Variants in SP100 observed in about 807,000 individuals in gnomAD.
SP100 encodes SP100 nuclear body protein, also known as nuclear autoantigen Sp-100.
Under a neutral mutation model 130.0 loss-of-function variants are expected in SP100, and 84 were observed. The observed-to-expected ratio is 0.65, with a 90% CI of 0.54 to 0.77. The LOEUF (loss-of-function observed/expected upper bound fraction) is 0.77. SP100 is among the 30% of genes least tolerant of loss of function. SP100 has a pLI of 0.00. For missense variants in SP100, 978 were observed against 1,052.2 expected, an observed-to-expected ratio of 0.93 and a Z score of 0.97; for synonymous variants, 331 against 351.7, an observed-to-expected ratio of 0.94 and a Z score of 0.66.
chr2:230,522,407 C>T (rs539239430), intron 24 of SP100, among the ~76,000 whole-genome samples: 3 of 150,310 alleles, frequency 2.0e-5, no homozygotes, highest in South Asian at 4.2e-4. Context: ...TTTTAAGCTG[C>T]TGTTCTAAAC....
chr2:230,480,315 AT>A (rs2150015159), intron 17 of SP100, among the ~76,000 whole-genome samples: 1 of 152,376 alleles, frequency 6.6e-6, no homozygotes, highest in African/African-American at 2.4e-5. Context: ...TCTAATCCAA[AT>A]ATATGATTGT....
chr2:230,440,289 T>A (rs1461844010), intron 2 of SP100, among the ~76,000 whole-genome samples: 3 of 152,052 alleles, frequency 2.0e-5, no homozygotes, highest in Non-Finnish European at 2.9e-5. Context: ...TTACTAGAAA[T>A]ACTACATGAA....
chr2:230,473,376 T>TC lies in SP100; in HGVS notation c.1484dup (p.Gly497ArgfsTer11), dbSNP rs1161611467. On this transcript the variant is annotated frameshift_variant, in exon 16 of 29. Transcript: ENST00000340126. LOFTEE classifies it high-confidence loss of function. ...AGAAGTGCTCCTGTGTCATGTGTTT[T>TC]CCAAAAGGTGTGCCAAGAAGCCAAG... The TC allele has an allele frequency of 6.2e-7, 1 of 1,614,034 alleles. No homozygotes were observed. The highest frequency in any genetic ancestry group is 1.1e-5 in the South Asian group (1 of 91,078).
In SP100 at chr2:230,488,499, C is replaced by T. The variant is rs964073180; in HGVS notation, c.1601-5917C>T. On this transcript the variant is annotated intron_variant, in intron 17 of 28. Coordinates refer to ENST00000340126, the MANE Select transcript of SP100 (RefSeq NM_001080391.2). ...CATGATCTCGGCTCACTGCAAGCTC[C>T]GCCTCCCAGGTTCACGGCATTCTCC... Among the ~76,000 whole-genome samples the T allele has an allele frequency of 8.5e-5, 13 of 152,182 alleles. No individual in the cohort carries two copies. The South Asian group carries it at 1.0e-3, about 12-fold the overall frequency.
Position 230,442,994 on chromosome 2 carries a change from G to T in SP100, c.165G>T (p.Lys55Asn). The T allele has an allele frequency of 6.2e-7, 1 of 1,613,944 alleles. No homozygotes were observed. Among genetic ancestry groups the T allele is most frequent in the South Asian group, 1.1e-5 (1 of 91,072 alleles). ...GGCTGCTCTATGACATTGTATTCAA[G>T]CACTTCAAAAGAAATAAGGTGGAGA... is the stretch of plus-strand genomic sequence containing the variant. ...DDRLLYDIVF[K>N]HFKRNKVEIS... Residue 55 changes from lysine to asparagine, a missense_variant, in exon 3 of 29, where the codon AAG becomes AAT. Physicochemically the swap from Lys to Asn is moderately conservative, Grantham distance 94. Coordinates refer to ENST00000340126, the MANE Select transcript of SP100 (RefSeq NM_001080391.2).
intron 2 of SP100, chr2:230,440,577 T>C (rs1196483378): frequency 1.4e-6 from 2 of 1,380,648 alleles, no homozygotes; most frequent in Non-Finnish European, 1.9e-6. Flanking sequence ...TGGAGAGATA[T>C]ACAATGTTAA....
chr2:230,500,229 G>A (rs2066942622), intron 19 of SP100, among the ~76,000 whole-genome samples: 1 of 152,108 alleles, frequency 6.6e-6, no homozygotes, highest in African/African-American at 2.4e-5. Context: ...GTAGACCCAA[G>A]AACAGTTAAG....
intron 2 of SP100, among the ~76,000 whole-genome samples, chr2:230,430,289 C>G (rs1285155973): frequency 1.3e-5 from 2 of 152,170 alleles, no homozygotes; most frequent in East Asian, 3.8e-4. Flanking sequence ...TTGACTGGAC[C>G]CTTTTGTTGG....
chr2:230,531,190 C>T (rs2150108301), intron 24 of SP100, among the ~76,000 whole-genome samples: 1 of 152,238 alleles, frequency 6.6e-6, no homozygotes, highest in Non-Finnish European at 1.5e-5. Flanking sequence ...CAATGATAGA[C>T]TGGATTAAGA....
chr2:230,437,327 G>A (rs1045609574), intron 2 of SP100, among the ~76,000 whole-genome samples: 1 of 151,582 alleles, frequency 6.6e-6, no homozygotes, highest in African/African-American at 2.4e-5. Context: ...TTTCTTCTTG[G>A]TTCTAAATAA....
At chr2:230,525,851 C>A (rs1217278907) in intron 24 of SP100, among the ~76,000 whole-genome samples, 1 of 151,998 alleles carries the variant, frequency 6.6e-6, no homozygotes, top group African/African-American at 2.4e-5. Context: ...GGGAGGGGCA[C>A]CCACCATTGC....
At position 230,436,964 on chromosome 2, in the gene SP100, A is replaced by G. The variant is rs758807228; in HGVS notation, c.108-5973A>G. On this transcript the variant is annotated intron_variant, in intron 2 of 28. Transcript: ENST00000340126. ...CACGCATATATGTGTATACACACAC[A>G]TATATATGTGTATACACACACATAT... Among the ~76,000 whole-genome samples, 734 of 96,936 alleles carry G rather than the reference A, an allele frequency of 7.6e-3. 6 individuals are homozygous for G. The highest frequency in any genetic ancestry group is 0.022 in the African/African-American group (453 of 20,302). 63.6% of individuals were successfully genotyped at this position (96,936 alleles called of 152,430 possible).
intron 24 of SP100, among the ~76,000 whole-genome samples, chr2:230,517,730 A>G (rs566113207): frequency 6.6e-6 from 1 of 151,236 alleles, no homozygotes; most frequent in South Asian, 2.1e-4. Context: ...GCACCACTGT[A>G]CTCTAGCCTG....
intron 2 of SP100, among the ~76,000 whole-genome samples, chr2:230,437,484 T>C (rs2063327938): frequency 6.6e-6 from 1 of 152,212 alleles, no homozygotes. Flanking sequence ...GTGGCTAAGA[T>C]TATGCTGAAT....
chr2:230,442,893 C>G (rs775358112), intron 2 of SP100, 44 bp from the exon 3 acceptor site: 143 of 1,565,490 alleles, frequency 9.1e-5, no homozygotes, highest in South Asian at 8.7e-4. Flanking sequence ...ACAAACATCT[C>G]AGAATCTTGA....
chr2:230,514,778 C>T (rs566843639), intron 24 of SP100, among the ~76,000 whole-genome samples: 1 of 152,144 alleles, frequency 6.6e-6, no homozygotes. Context: ...GAAAGCCAAG[C>T]CAAGGATTTA....
chr2:230,468,379 T>A (rs2065067944), intron 13 of SP100, among the ~76,000 whole-genome samples: 1 of 152,222 alleles, frequency 6.6e-6, no homozygotes, highest in South Asian at 2.1e-4. Flanking sequence ...AATATACTAA[T>A]GTTTATACAG....
At chr2:230,509,932 T>C (rs1690450935) in intron 23 of SP100, 1 of 152,334 alleles carries the variant, frequency 6.6e-6, no homozygotes, top group Non-Finnish European at 1.5e-5. Flanking sequence ...GCTTGGCCAA[T>C]GAAATAATGC....
At chr2:230,533,389 G>A (rs1250049959) in intron 24 of SP100, among the ~76,000 whole-genome samples, 1 of 152,166 alleles carries the variant, frequency 6.6e-6, no homozygotes, top group African/African-American at 2.4e-5. Flanking sequence ...GGTTTGAAGT[G>A]CTATAGGAAG....
Sources: gnomAD v4.1 joint callset for allele counts (sites outside exome capture counted in the v4.1 genomes callset) on GRCh38, gnomAD v4.1.1 for gene constraint, MANE v1.5 for transcripts, NCBI Gene and HGNC (gene_info 2026-07-23, HGNC 2026-07-21) for gene names.